Variants in KLHL1 observed in about 807,000 individuals in gnomAD.
The protein encoded by KLHL1 is kelch like family member 1, also known as kelch-like protein 1.
A neutral mutation model predicts 77.7 loss-of-function variants in KLHL1; 47 were observed. The observed-to-expected ratio is 0.60, with a 90% CI of 0.48 to 0.77. The LOEUF (loss-of-function observed/expected upper bound fraction) is 0.77, where lower values mean the gene tolerates loss of function less well. KLHL1 is among the 30% of genes least tolerant of loss of function. KLHL1 has a pLI of 0.00. For missense variants in KLHL1, 925 were observed against 910.8 expected, an observed-to-expected ratio of 1.02 and a Z score of -0.20; for synonymous variants, 360 against 325.2, an observed-to-expected ratio of 1.11 and a Z score of -1.15.
At chr13:70,038,079 C>T (rs574592254) in intron 1 of KLHL1, among the ~76,000 whole-genome samples, 2 of 152,184 alleles carry the variant, frequency 1.3e-5, no homozygotes, top group Non-Finnish European at 2.9e-5. Flanking sequence ...CAATCTCTCA[C>T]CTTTGACAAA....
At chr13:69,775,134 T>C (rs1479469566) in intron 7 of KLHL1, among the ~76,000 whole-genome samples, 1 of 152,102 alleles carries the variant, frequency 6.6e-6, no homozygotes, top group Non-Finnish European at 1.5e-5. Context: ...AACTAATAGA[T>C]AAGACACTAC....
chr13:69,773,184 A>T (rs1875659840), intron 7 of KLHL1, among the ~76,000 whole-genome samples: 1 of 152,230 alleles, frequency 6.6e-6, no homozygotes, highest in East Asian at 1.9e-4. Flanking sequence ...TTCTTAAACT[A>T]AAAAGGTAAT....
intron 1 of KLHL1, among the ~76,000 whole-genome samples, chr13:70,055,673 T>A (rs952489329): frequency 1.3e-5 from 2 of 152,062 alleles, no homozygotes; most frequent in Non-Finnish European, 2.9e-5. Flanking sequence ...GTGGCGAGTA[T>A]GTAGTGAAAG....
chr13:70,040,303 G>T (rs923224891), intron 1 of KLHL1, among the ~76,000 whole-genome samples: 1 of 152,114 alleles, frequency 6.6e-6, no homozygotes, highest in Non-Finnish European at 1.5e-5. Flanking sequence ...TGCCAAAAGG[G>T]AGAAAGAAGA....
chr13:70,030,350 A>T (rs532467216), intron 1 of KLHL1, among the ~76,000 whole-genome samples: 1 of 152,224 alleles, frequency 6.6e-6, no homozygotes, highest in Admixed American at 6.5e-5. Flanking sequence ...GAAGTAAAGC[A>T]CTCCTCAGCA....
chr13:70,085,219 GAGAC>G (rs1210674288), intron 1 of KLHL1, among the ~76,000 whole-genome samples: 1 of 152,254 alleles, frequency 6.6e-6, no homozygotes, highest in East Asian at 1.9e-4. Context: ...GAAACAGAAA[GAGAC>G]AGAGAGAGAG....
chr13:69,719,134 T>C (rs971913899), intron 9 of KLHL1, among the ~76,000 whole-genome samples: 8 of 151,654 alleles, frequency 5.3e-5, no homozygotes, highest in African/African-American at 1.5e-4. Flanking sequence ...TAAATATTAG[T>C]TGAAGGGAGG....
intron 1 of KLHL1, among the ~76,000 whole-genome samples, chr13:70,001,651 T>C (rs1445305917): frequency 8.3e-6 from 1 of 120,908 alleles, no homozygotes. Flanking sequence ...TTGGGATATC[T>C]ATCTATTATC....
intron 4 of KLHL1, among the ~76,000 whole-genome samples, chr13:69,886,566 T>C (rs1315417149): frequency 6.6e-6 from 1 of 151,934 alleles, no homozygotes; most frequent in African/African-American, 2.4e-5. Context: ...TGAAACCTAA[T>C]GGTAATATTG....
intron 3 of KLHL1, among the ~76,000 whole-genome samples, chr13:69,959,192 TG>T (rs1050360651): frequency 1.3e-5 from 2 of 152,046 alleles, no homozygotes; most frequent in African/African-American, 4.8e-5. Flanking sequence ...CAGGGAGCTT[TG>T]AAACACCTTC....
chr13:69,822,210 A>G (rs989949553), intron 6 of KLHL1, among the ~76,000 whole-genome samples: 1 of 151,694 alleles, frequency 6.6e-6, no homozygotes, highest in African/African-American at 2.4e-5. Flanking sequence ...AAAAAAAAAA[A>G]AAAAGAGAAC....
intron 1 of KLHL1, among the ~76,000 whole-genome samples, chr13:69,998,558 A>T (rs1188929217): frequency 1.3e-5 from 2 of 152,052 alleles, no homozygotes; most frequent in African/African-American, 2.4e-5. Context: ...TCTAGAAGTA[A>T]ATCACATGGA....
intron 1 of KLHL1, among the ~76,000 whole-genome samples, chr13:70,094,187 A>G (rs530082593): frequency 3.3e-5 from 5 of 151,944 alleles, no homozygotes; most frequent in Non-Finnish European, 7.4e-5. Flanking sequence ...TATGTAAGCC[A>G]GATGTGGCAG....
chr13:70,048,400 T>C (rs1886550280), intron 1 of KLHL1, among the ~76,000 whole-genome samples: 1 of 152,198 alleles, frequency 6.6e-6, no homozygotes, highest in South Asian at 2.1e-4. Context: ...ACAGATTGGT[T>C]TGGTTCATAT....
At chr13:69,852,301 G>A (rs1879722409) in intron 5 of KLHL1, among the ~76,000 whole-genome samples, 1 of 151,874 alleles carries the variant, frequency 6.6e-6, no homozygotes, top group South Asian at 2.1e-4. Context: ...GAAATGTTGA[G>A]AATTCTTCCC....
chr13:69,993,987 T>C (rs148606950), intron 1 of KLHL1, among the ~76,000 whole-genome samples: 3 of 152,174 alleles, frequency 2.0e-5, no homozygotes, highest in African/African-American at 4.8e-5. Flanking sequence ...TAACTAGATG[T>C]TTAAAAAATG....
In KLHL1 at chr13:69,961,215, AT is replaced by A. The variant is rs113689612; in HGVS notation, c.817+92del. 1.4e-3 allele frequency: 1,651 copies of A among 1,194,264 alleles called. 22 individuals carry two copies. The African/African-American group carries it at 0.022, about 16-fold the overall frequency. 74.0% of individuals were successfully genotyped at this position (1,194,264 alleles called of 1,614,324 possible). On this transcript the variant is annotated intron_variant, in intron 3 of 10. Transcript: ENST00000377844. ...CAACTGAAAAGATACAGAATACAGA[AT>A]TTTTTTTAAAAAAGCGTTAAATCCT...
In KLHL1 at chr13:69,862,171, T is replaced by C. The variant is rs1260288762; in HGVS notation, c.1227+20112A>G. Among the ~76,000 whole-genome samples, 6 of 151,962 alleles carry C rather than the reference T, an allele frequency of 3.9e-5. No individual in the cohort carries two copies. The East Asian group carries it at 1.2e-3, about 29-fold the overall frequency. On this transcript the variant is annotated intron_variant, in intron 5 of 10. Coordinates refer to ENST00000377844, the MANE Select transcript of KLHL1 (RefSeq NM_020866.3). ...AATAAAGATTTTGAACAAACTTTGT[T>C]AGAGAAGCAAATTACACATATATTA...
intron 1 of KLHL1, among the ~76,000 whole-genome samples, chr13:70,070,041 ACCTGTAGT>A (rs1013574363): frequency 6.6e-6 from 1 of 151,466 alleles, no homozygotes; most frequent in Non-Finnish European, 1.5e-5. Flanking sequence ...GGTGGCGGGC[ACCTGTAGT>A]CCCAGGTAGT....
Sources: gnomAD v4.1 joint callset for allele counts (sites outside exome capture counted in the v4.1 genomes callset) on GRCh38, gnomAD v4.1.1 for gene constraint, MANE v1.5 for transcripts, NCBI Gene and HGNC (gene_info 2026-07-23, HGNC 2026-07-21) for gene names.